ZBTB20: variants seen among roughly 807,000 people sequenced by gnomAD.
The protein encoded by ZBTB20 is zinc finger and BTB domain containing 20.
In ZBTB20, 9 loss-of-function variants were observed where a neutral mutation model predicts 56.9. The observed-to-expected ratio is 0.16, with a 90% CI of 0.10 to 0.28. The LOEUF (loss-of-function observed/expected upper bound fraction) is 0.28. ZBTB20 is among the 10% of genes least tolerant of loss of function. The pLI, the probability that ZBTB20 is intolerant of heterozygous loss-of-function variation, is 1.00. For missense variants in ZBTB20, 655 were observed against 1,003.0 expected, an observed-to-expected ratio of 0.65 and a Z score of 4.69; for synonymous variants, 417 against 420.7, an observed-to-expected ratio of 0.99 and a Z score of 0.11.
chr3:114,583,234 C>T (rs1417786627), intron 6 of ZBTB20, among the ~76,000 whole-genome samples: 6 of 152,196 alleles, frequency 3.9e-5, no homozygotes, highest in Non-Finnish European at 8.8e-5. Flanking sequence ...GCCACTGCTA[C>T]TCTAACCACT....
chr3:114,450,181 G>A (rs1430813953), intron 7 of ZBTB20, among the ~76,000 whole-genome samples: 1 of 152,154 alleles, frequency 6.6e-6, no homozygotes, highest in Non-Finnish European at 1.5e-5. Context: ...CAAATCAACA[G>A]CCTTACCTGT....
chr3:114,804,844 A>G (rs2071983020), intron 4 of ZBTB20, among the ~76,000 whole-genome samples: 1 of 151,910 alleles, frequency 6.6e-6, no homozygotes, highest in Admixed American at 6.6e-5. Context: ...GATGACAATC[A>G]TAACTAATAT....
At chr3:114,753,779 TTATAA>T (rs1156999936) in intron 5 of ZBTB20, among the ~76,000 whole-genome samples, 1 of 152,074 alleles carries the variant, frequency 6.6e-6, no homozygotes, top group Non-Finnish European at 1.5e-5. Flanking sequence ...TCCTACCCCA[TTATAA>T]TATAAACTTC....
At chr3:114,468,367 C>T (rs972084212) in intron 7 of ZBTB20, among the ~76,000 whole-genome samples, 5 of 152,126 alleles carry the variant, frequency 3.3e-5, no homozygotes. Context: ...TAGAAGGGGA[C>T]CCACAAAAGC....
Position 114,330,038 on chromosome 3 carries a change from T to C in ZBTB20, c.*8967A>G, listed in dbSNP as rs2079195678. 2 of 152,218 alleles carry C rather than the reference T, an allele frequency of 1.3e-5. No homozygotes were observed. The highest frequency in any genetic ancestry group is 4.8e-5 in the African/African-American group (2 of 41,460). The allele number at this position is 152,218 out of a possible 1,614,324, so 9.4% of individuals were successfully genotyped here. ...CAGTCCTACAGGGGAAAATCACAGA[T>C]ACATTCATATGCACCTCTTTTGTTC... On this transcript the variant is annotated 3_prime_UTR_variant, in exon 12 of 12. Transcript: ENST00000675478.
intron 6 of ZBTB20, among the ~76,000 whole-genome samples, chr3:114,624,570 C>T (rs1195250992): frequency 6.6e-6 from 1 of 152,138 alleles, no homozygotes; most frequent in Non-Finnish European, 1.5e-5. Context: ...CATGTGAGTT[C>T]CCAGTAGACA....
chr3:114,690,017 GA>G (rs992104461), intron 6 of ZBTB20, among the ~76,000 whole-genome samples: 1 of 150,576 alleles, frequency 6.6e-6, no homozygotes, highest in Admixed American at 6.6e-5. Context: ...GAAATGGAAA[GA>G]AAAAAAAAGA....
chr3:114,472,560 T>C (rs1201726070), intron 7 of ZBTB20, among the ~76,000 whole-genome samples: 1 of 152,054 alleles, frequency 6.6e-6, no homozygotes, highest in Non-Finnish European at 1.5e-5. Flanking sequence ...ATATAAAACT[T>C]AGCCGGGCGT....
chr3:114,555,387 T>C (rs1428822847), intron 6 of ZBTB20, among the ~76,000 whole-genome samples: 1 of 152,076 alleles, frequency 6.6e-6, no homozygotes, highest in Non-Finnish European at 1.5e-5. Flanking sequence ...CTCACGCCTG[T>C]CGACATCCCA....
At chr3:114,657,697 C>T (rs1325020186) in intron 6 of ZBTB20, among the ~76,000 whole-genome samples, 1 of 152,160 alleles carries the variant, frequency 6.6e-6, no homozygotes, top group Non-Finnish European at 1.5e-5. Context: ...TGGGAAGTTC[C>T]TTGAGGGAAG....
At chr3:114,956,514 T>A (rs1222303272) in intron 3 of ZBTB20, among the ~76,000 whole-genome samples, 1 of 152,126 alleles carries the variant, frequency 6.6e-6, no homozygotes, top group Non-Finnish European at 1.5e-5. Flanking sequence ...TTTCCCTCCC[T>A]CAGCTGGGAA....
In ZBTB20 at chr3:114,319,332, C is replaced by T. The variant is rs2078808782; in HGVS notation, c.*19673G>A. 6.6e-6 allele frequency: 1 copy of T among 151,908 alleles called. No individual in the cohort carries two copies. Among genetic ancestry groups the T allele is most frequent in the South Asian group, 2.1e-4 (1 of 4,816 alleles). 9.4% of individuals were successfully genotyped at this position (151,908 alleles called of 1,614,324 possible). A position where few individuals can be genotyped will look rare whatever the true frequency, so the allele number is the denominator to read the frequency against. On this transcript the variant is annotated 3_prime_UTR_variant, in exon 12 of 12. Transcript: ENST00000675478. ...ATTTTTTTCCTCTCCTAAACATTAA[C>T]CTTCAGTCTAGGGCACAATTATTTA...
chr3:114,669,065 C>A (rs1201824845), intron 6 of ZBTB20, among the ~76,000 whole-genome samples: 3 of 152,060 alleles, frequency 2.0e-5, no homozygotes, highest in African/African-American at 7.2e-5. Context: ...AACTGGGGGA[C>A]AATTTTGCCA....
intron 1 of ZBTB20, among the ~76,000 whole-genome samples, chr3:115,083,112 C>T: frequency 6.6e-6 from 1 of 152,034 alleles, no homozygotes; most frequent in East Asian, 1.9e-4. Flanking sequence ...CACAAAGCTA[C>T]ATATAACTCT....
intron 5 of ZBTB20, among the ~76,000 whole-genome samples, chr3:114,765,552 T>A (rs892806172): frequency 2.0e-5 from 3 of 152,194 alleles, no homozygotes; most frequent in Non-Finnish European, 4.4e-5. Context: ...TCTAATAGCT[T>A]GATCTCAGAC....
intron 2 of ZBTB20, among the ~76,000 whole-genome samples, chr3:114,981,797 C>T (rs1198668114): frequency 2.6e-5 from 4 of 152,000 alleles, no homozygotes; most frequent in African/African-American, 9.7e-5. Context: ...TTGCAGAGTT[C>T]GGATTCCTAC....
intron 6 of ZBTB20, among the ~76,000 whole-genome samples, chr3:114,582,612 T>TCAA (rs2054766262): frequency 6.6e-6 from 1 of 152,210 alleles, no homozygotes; most frequent in African/African-American, 2.4e-5. Flanking sequence ...ACTCCTAACC[T>TCAA]CAAGTGATCT....
At chr3:114,744,637 T>A (rs1475886375) in intron 5 of ZBTB20, among the ~76,000 whole-genome samples, 1 of 152,048 alleles carries the variant, frequency 6.6e-6, no homozygotes, top group African/African-American at 2.4e-5. Flanking sequence ...TAAATAATAA[T>A]AAGAGGAAAT....
In ZBTB20 at chr3:114,709,025, T is replaced by G. The variant is rs561442948; in HGVS notation, c.-342-15450A>C. 5.9e-5 allele frequency among the ~76,000 whole-genome samples: 9 copies of G among 152,276 alleles called. No individual in the cohort carries two copies. The South Asian group carries it at 1.7e-3, about 28-fold the overall frequency. On this transcript the variant is annotated intron_variant, in intron 5 of 11. Transcript: ENST00000675478. ...GTCTTCCTTCTCCTGTTTTTATAGA[T>G]GTATGTGTTGCATTCTAAAATCTTA...
Sources: allele counts gnomAD v4.1 joint callset (sites outside exome capture counted in the v4.1 genomes callset), GRCh38; gene constraint gnomAD v4.1.1; transcripts MANE v1.5; gene names NCBI Gene and HGNC (gene_info 2026-07-23, HGNC 2026-07-21).